The following SLC24A2 variants were observed in gnomAD, a reference collection of about 807,000 sequenced individuals.
SLC24A2 encodes sodium/potassium/calcium exchanger 2.
Under a neutral mutation model 62.0 loss-of-function variants are expected in SLC24A2, and 36 were observed. The ratio of observed to expected loss-of-function variants is 0.58; its 90% CI spans 0.44 to 0.77. The LOEUF (loss-of-function observed/expected upper bound fraction) is 0.77, where lower values mean the gene tolerates loss of function less well. Ranked by LOEUF, SLC24A2 falls within the 30% of genes least tolerant of loss-of-function variation. The probability of loss-of-function intolerance (pLI) is 0.00; values close to 1 mark genes in which losing one functional copy is unlikely to be tolerated. For synonymous variants in SLC24A2, 358 were observed against 294.0 expected, an observed-to-expected ratio of 1.22 and a Z score of -2.23; for missense variants, 846 against 817.9, an observed-to-expected ratio of 1.03 and a Z score of -0.42.
the SLC24A2 span, among the ~76,000 whole-genome samples, chr9:20,207,790 A>C: frequency 1.3e-5 from 2 of 152,334 alleles, no homozygotes; most frequent in Non-Finnish European, 2.9e-5. Flanking sequence ...GGCACTGGGG[A>C]TAACAAATAT....
At chr9:19,789,637 C>T (rs2118960384), upstream of SLC24A2, among the ~76,000 whole-genome samples, 1 of 152,316 alleles carries the variant, frequency 6.6e-6, no homozygotes, top group South Asian at 2.1e-4. Flanking sequence ...ATGTCCAGCC[C>T]AGTGCTCCTT....
At chr9:20,073,138 C>T in the SLC24A2 span, among the ~76,000 whole-genome samples, 1 of 152,204 alleles carries the variant, frequency 6.6e-6, no homozygotes, top group Non-Finnish European at 1.5e-5. Context: ...TTAGCAGGGT[C>T]TGCTGTTCAG....
the SLC24A2 span, among the ~76,000 whole-genome samples, chr9:20,307,385 T>A: frequency 6.6e-6 from 1 of 152,380 alleles, no homozygotes; most frequent in East Asian, 1.9e-4. Context: ...GTGATTAGTA[T>A]TCCCTAATGC....
chr9:19,903,426 C>T, the SLC24A2 span, among the ~76,000 whole-genome samples: 5 of 152,148 alleles, frequency 3.3e-5, no homozygotes, highest in Non-Finnish European at 1.5e-5. Flanking sequence ...AATTATCTCC[C>T]AAAGGCTTAC....
intron 4 of SLC24A2, among the ~76,000 whole-genome samples, chr9:19,613,052 T>C (rs773546337): frequency 3.3e-5 from 5 of 152,246 alleles, no homozygotes; most frequent in Middle Eastern, 3.4e-3. Flanking sequence ...GATGATGAGA[T>C]ATATAAGAGA....
chr9:19,588,687 G>C (rs150646246), intron 5 of SLC24A2, among the ~76,000 whole-genome samples: 1 of 152,168 alleles, frequency 6.6e-6, no homozygotes, highest in African/African-American at 2.4e-5. Context: ...GAGGCCCCGC[G>C]TGGTGGCTCA....
chr9:19,629,436 G>A (rs984770528), intron 2 of SLC24A2, among the ~76,000 whole-genome samples: 1 of 152,210 alleles, frequency 6.6e-6, no homozygotes, highest in Non-Finnish European at 1.5e-5. Flanking sequence ...CAAAAAGCTA[G>A]TATCTGGGAG....
intron 2 of SLC24A2, among the ~76,000 whole-genome samples, chr9:19,674,623 T>C (rs1025901040): frequency 1.3e-5 from 2 of 152,214 alleles, no homozygotes; most frequent in Admixed American, 6.5e-5. Flanking sequence ...GTCTTTGAGT[T>C]CTGAAGTTCT....
the SLC24A2 span, among the ~76,000 whole-genome samples, chr9:19,907,364 A>G: frequency 6.6e-6 from 1 of 152,320 alleles, no homozygotes; most frequent in East Asian, 1.9e-4. Context: ...ACCCACAGCC[A>G]ATGTCATACT....
chr9:19,591,180 A>G (rs1048166227), intron 5 of SLC24A2, among the ~76,000 whole-genome samples: 21 of 152,232 alleles, frequency 1.4e-4, no homozygotes, highest in African/African-American at 5.1e-4. Context: ...CCAAATTTAC[A>G]TCTACAGCTC....
At chr9:20,207,697 T>C in the SLC24A2 span, among the ~76,000 whole-genome samples, 4 of 152,366 alleles carry the variant, frequency 2.6e-5, no homozygotes, top group East Asian at 7.7e-4. Flanking sequence ...ATCCATGATG[T>C]TAAATCTGAG....
chr9:19,766,586 G>A (rs1239516958), intron 2 of SLC24A2, among the ~76,000 whole-genome samples: 1 of 152,146 alleles, frequency 6.6e-6, no homozygotes, highest in African/African-American at 2.4e-5. Context: ...GAGTTTGCTG[G>A]GGGTCCAATC....
At chr9:20,068,697 G>A in the SLC24A2 span, among the ~76,000 whole-genome samples, 1 of 152,150 alleles carries the variant, frequency 6.6e-6, no homozygotes, top group South Asian at 2.1e-4. Context: ...CTCCGTGGAA[G>A]TGTCATGACC....
the SLC24A2 span, among the ~76,000 whole-genome samples, chr9:19,996,706 C>T: frequency 5.6e-5 from 8 of 143,626 alleles, no homozygotes; most frequent in South Asian, 2.2e-4. Flanking sequence ...GGTGCCACTG[C>T]ACCACTCCAG....
chr9:20,159,217 C>T, the SLC24A2 span, among the ~76,000 whole-genome samples: 1 of 151,638 alleles, frequency 6.6e-6, no homozygotes. Flanking sequence ...CGAACCATTC[C>T]TGAAGAGTCT....
the SLC24A2 span, among the ~76,000 whole-genome samples, chr9:20,274,197 G>A: frequency 6.6e-6 from 1 of 152,158 alleles, no homozygotes; most frequent in Non-Finnish European, 1.5e-5. Context: ...CATAGATAAT[G>A]ATGCCAGCTG....
the SLC24A2 span, among the ~76,000 whole-genome samples, chr9:19,965,918 A>G: frequency 1.1e-4 from 17 of 152,250 alleles, no homozygotes; most frequent in African/African-American, 3.9e-4. Flanking sequence ...CACCCAAGAA[A>G]CCTGCCCTAC....
the SLC24A2 span, among the ~76,000 whole-genome samples, chr9:20,277,181 G>A: frequency 6.6e-6 from 1 of 152,166 alleles, no homozygotes; most frequent in Non-Finnish European, 1.5e-5. Context: ...CATGGACAAA[G>A]ACTTCATGAC....
chr9:19,520,436 G>T (rs924819548), intron 10 of SLC24A2, among the ~76,000 whole-genome samples: 5 of 152,132 alleles, frequency 3.3e-5, no homozygotes, highest in Non-Finnish European at 5.9e-5. Context: ...AAATGGTAAT[G>T]CCAAGACTGT....
Sources: gnomAD v4.1 joint callset for allele counts (sites outside exome capture counted in the v4.1 genomes callset) on GRCh38, gnomAD v4.1.1 for gene constraint, MANE v1.5 for transcripts, NCBI Gene and HGNC (gene_info 2026-07-23, HGNC 2026-07-21) for gene names.